Variants in TMEM181 observed in about 807,000 individuals in gnomAD.
The protein encoded by TMEM181 is transmembrane protein 181.
Under a neutral mutation model 71.9 loss-of-function variants are expected in TMEM181, and 39 were observed. That is an observed-to-expected ratio of 0.54 (90% CI 0.42 to 0.71). The LOEUF (loss-of-function observed/expected upper bound fraction) is 0.71. Among genes scored for constraint, TMEM181 ranks in the 30% least tolerant of loss-of-function variants. TMEM181 has a pLI of 0.00. For missense variants in TMEM181, 595 were observed against 583.0 expected, an observed-to-expected ratio of 1.02 and a Z score of -0.21; for synonymous variants, 245 against 228.8, an observed-to-expected ratio of 1.07 and a Z score of -0.64.
Position 158,632,136 on chromosome 6 carries a change from G to A in TMEM181, c.*248G>A. ...CAACAGCCAAATCCTTTTTTACAGAGATTTCAGATGAGCGTGTTTTCAGTG... is the reference window on the plus strand; with the variant it reads ...CAACAGCCAAATCCTTTTTTACAGAAATTTCAGATGAGCGTGTTTTCAGTG... On this transcript the variant is annotated 3_prime_UTR_variant, in exon 17 of 17. Transcript: ENST00000684151. 2.0e-6 allele frequency: 1 copy of A among 494,024 alleles called. No homozygotes were observed. The highest frequency in any genetic ancestry group is 3.7e-6 in the Non-Finnish European group (1 of 273,698). The allele number at this position is 494,024 out of a possible 1,614,324, so 30.6% of individuals were successfully genotyped here. A position where few individuals can be genotyped will look rare whatever the true frequency, so the allele number is the denominator to read the frequency against.
chr6:158,622,990 G>C (rs1786051412), intron 10 of TMEM181, among the ~76,000 whole-genome samples: 1 of 152,156 alleles, frequency 6.6e-6, no homozygotes, highest in African/African-American at 2.4e-5. Context: ...GTAGCAGCCT[G>C]GTTCACATGA....
chr6:158,630,811 A>G (rs2128333421), intron 15 of TMEM181, among the ~76,000 whole-genome samples: 1 of 152,172 alleles, frequency 6.6e-6, no homozygotes, highest in Middle Eastern at 3.4e-3. Flanking sequence ...AACTCTCTAG[A>G]ACATAGGCAG....
At chr6:158,547,894 A>G (rs1781585883) in intron 1 of TMEM181, among the ~76,000 whole-genome samples, 2 of 147,864 alleles carry the variant, frequency 1.4e-5, no homozygotes, top group South Asian at 4.2e-4. Context: ...TCTCAAAAAA[A>G]AAAAAAAAAA....
intron 1 of TMEM181, among the ~76,000 whole-genome samples, chr6:158,548,970 G>T (rs1201401981): frequency 1.6e-4 from 25 of 152,220 alleles, no homozygotes. Context: ...GCCTTGCTGT[G>T]CCAGAGAGGC....
chr6:158,587,822 G>C (rs925452081), intron 5 of TMEM181, among the ~76,000 whole-genome samples: 18 of 152,068 alleles, frequency 1.2e-4, no homozygotes, highest in African/African-American at 4.1e-4. Context: ...AAACTCGTAA[G>C]TATATGCAGC....
At chr6:158,600,973 C>CT (rs1784636613) in intron 6 of TMEM181, among the ~76,000 whole-genome samples, 1 of 152,014 alleles carries the variant, frequency 6.6e-6, no homozygotes. Context: ...GGTAGCAATT[C>CT]TTTTTTCTCT....
chr6:158,593,998 T>C (rs1343496716), intron 6 of TMEM181, among the ~76,000 whole-genome samples: 4 of 152,156 alleles, frequency 2.6e-5, no homozygotes, highest in African/African-American at 7.2e-5. Context: ...GTAGAGTTCA[T>C]TTCAGTGCCC....
In TMEM181 at chr6:158,633,810, T is replaced by A. The variant is rs1016749595; in HGVS notation, c.*1922T>A. 1 of 152,230 alleles carries A rather than the reference T, an allele frequency of 6.6e-6. No homozygotes were observed. Among genetic ancestry groups the A allele is most frequent in the Non-Finnish European group, 1.5e-5 (1 of 68,036 alleles). 9.4% of individuals were successfully genotyped at this position (152,230 alleles called of 1,614,324 possible). ...TTTAAATTTGCAATGATGTTTTTTT[T>A]ATTCTGTGTATTGAAAAAAATTTTC... On this transcript the variant is annotated 3_prime_UTR_variant, in exon 17 of 17. Coordinates refer to ENST00000684151, the MANE Select transcript of TMEM181 (RefSeq NM_001376852.1).
At chr6:158,539,190 C>T (rs1781248043) in intron 1 of TMEM181, among the ~76,000 whole-genome samples, 1 of 152,176 alleles carries the variant, frequency 6.6e-6, no homozygotes, top group African/African-American at 2.4e-5. Context: ...TGCCCCGCCC[C>T]CCGCCATGAG....
chr6:158,597,575 G>T (rs571689030), intron 6 of TMEM181, among the ~76,000 whole-genome samples: 1 of 152,084 alleles, frequency 6.6e-6, no homozygotes, highest in Non-Finnish European at 1.5e-5. Flanking sequence ...ATCACATCTC[G>T]GTGCAGTATC....
chr6:158,595,755 G>A (rs1392905415), intron 6 of TMEM181, among the ~76,000 whole-genome samples: 1 of 152,104 alleles, frequency 6.6e-6, no homozygotes, highest in South Asian at 2.1e-4. Context: ...TTGAATCAGG[G>A]TTAGTGTTCC....
chr6:158,621,193 A>C (rs1429893878), intron 10 of TMEM181, among the ~76,000 whole-genome samples: 1 of 152,154 alleles, frequency 6.6e-6, no homozygotes, highest in Non-Finnish European at 1.5e-5. Flanking sequence ...ATGAGTGTGA[A>C]GTTTGGTGCT....
At chr6:158,621,253 G>A (rs973920705) in intron 10 of TMEM181, 5 of 152,292 alleles carry the variant, frequency 3.3e-5, no homozygotes, top group African/African-American at 1.2e-4. Context: ...TGTTATCTGT[G>A]TTTTACTATC....
intron 1 of TMEM181, chr6:158,572,613 C>T: frequency 2.6e-6 from 1 of 382,324 alleles, no homozygotes; most frequent in South Asian, 1.9e-5. Context: ...CCGGTGTTCC[C>T]AAAGCCTCAC....
chr6:158,577,385 C>T (rs1783224792), intron 2 of TMEM181, among the ~76,000 whole-genome samples: 2 of 152,114 alleles, frequency 1.3e-5, no homozygotes, highest in Non-Finnish European at 2.9e-5. Flanking sequence ...GAAGATAGGA[C>T]AGTGGAAATT....
chr6:158,601,487 G>A (rs557833228), intron 6 of TMEM181, among the ~76,000 whole-genome samples: 1 of 151,492 alleles, frequency 6.6e-6, no homozygotes, highest in East Asian at 1.9e-4. Context: ...AGGGCCAGGT[G>A]CAATGGCTCA....
At chr6:158,541,605 T>C (rs7766151) in intron 1 of TMEM181, among the ~76,000 whole-genome samples, 31,229 of 152,048 alleles carry the variant, frequency 0.21, 3,518 homozygotes, top group African/African-American at 0.24. Context: ...TTGGCTCATG[T>C]TCCGTTTCCA....
chr6:158,538,696 G>A (rs146634686), intron 1 of TMEM181, among the ~76,000 whole-genome samples: 6 of 152,158 alleles, frequency 3.9e-5, no homozygotes, highest in African/African-American at 1.4e-4. Flanking sequence ...CTCTCCTGGG[G>A]CTTACAGATA....
At chr6:158,616,875 G>A (rs1785645450) in intron 10 of TMEM181, among the ~76,000 whole-genome samples, 1 of 152,206 alleles carries the variant, frequency 6.6e-6, no homozygotes, top group Admixed American at 6.5e-5. Context: ...TGTGCTGCTG[G>A]ATTCGGTTTG....
Sources: allele counts gnomAD v4.1 joint callset (sites outside exome capture counted in the v4.1 genomes callset), GRCh38; gene constraint gnomAD v4.1.1; transcripts MANE v1.5; gene names NCBI Gene and HGNC (gene_info 2026-07-23, HGNC 2026-07-21).